INO80D: variants seen among roughly 807,000 people sequenced by gnomAD.
INO80D encodes INO80 complex subunit D.
A neutral mutation model predicts 87.6 loss-of-function variants in INO80D; 21 were observed. The observed-to-expected ratio is 0.24, with a 90% CI of 0.17 to 0.35. The LOEUF (loss-of-function observed/expected upper bound fraction) is 0.35. Among genes scored for constraint, INO80D ranks in the 10% least tolerant of loss-of-function variants. The probability of loss-of-function intolerance (pLI) is 1.00; values close to 1 mark genes in which losing one functional copy is unlikely to be tolerated. For synonymous variants in INO80D, 440 were observed against 491.0 expected (o/e 0.90, Z 1.37); for missense variants, 982 against 1,280.7 (o/e 0.77, Z 3.56).
chr2:206,014,282 T>C (rs1466386782), intron 8 of INO80D, among the ~76,000 whole-genome samples: 1 of 152,204 alleles, frequency 6.6e-6, no homozygotes, highest in Non-Finnish European at 1.5e-5. Flanking sequence ...TCAAAACATA[T>C]TGTCTGTAAA....
At chr2:206,047,258 C>G (rs891531654) in intron 4 of INO80D, among the ~76,000 whole-genome samples, 2 of 152,064 alleles carry the variant, frequency 1.3e-5, no homozygotes, top group Non-Finnish European at 2.9e-5. Flanking sequence ...GCTCTGTCAC[C>G]TAGGCTGGAG....
In INO80D at chr2:205,995,477, C is replaced by A. The variant is rs998109703; in HGVS notation, c.*8891G>T. Reference sequence around the variant, plus strand: ...AGTGACAATATTCCAGTAGGGGCAGCATTTTGCTAAATGTAAAAGATTGCC... The same window carrying A: ...AGTGACAATATTCCAGTAGGGGCAGAATTTTGCTAAATGTAAAAGATTGCC... On this transcript the variant is annotated 3_prime_UTR_variant, in exon 11 of 11. Transcript: ENST00000403263. The A allele has an allele frequency of 6.6e-6, 1 of 152,142 alleles. No homozygotes were observed. Among genetic ancestry groups the A allele is most frequent in the African/African-American group, 2.4e-5 (1 of 41,450 alleles). The allele number at this position is 152,142 out of a possible 1,614,324, so 9.4% of individuals were successfully genotyped here. A position where few individuals can be genotyped will look rare whatever the true frequency, so the allele number is the denominator to read the frequency against.
At chr2:206,045,715 T>TAA (rs1013034554) in intron 5 of INO80D, among the ~76,000 whole-genome samples, 2 of 137,592 alleles carry the variant, frequency 1.5e-5, no homozygotes, top group Admixed American at 7.3e-5. Flanking sequence ...AGATCTAGCC[T>TAA]AAAAAAAAAA....
Position 206,009,577 on chromosome 2 carries a change from C to T in INO80D, c.1760G>A (p.Arg587Gln), listed in dbSNP as rs754553721. ...ATTAGGTGCCAGTGGCACCACTGAC[C>T]GGATGTGAGAGGCCTCCACTGGCAG... ...VSLPVEASHI[R>Q]SPSTPELSAD... is the part of the protein sequence containing the mutation. Residue 587 changes from arginine (R) to glutamine (Q), a missense_variant and splice_region_variant, in exon 9 of 11, where the codon CGG (arginine) becomes CAG (glutamine). Coordinates refer to ENST00000403263, the MANE Select transcript of INO80D (RefSeq NM_017759.5). 1.7e-5 allele frequency: 27 copies of T among 1,608,100 alleles called. No homozygotes were observed. The highest frequency in any genetic ancestry group is 1.8e-4 in the Middle Eastern group (1 of 5,532).
chr2:206,046,358 G>T (rs1192517152), intron 5 of INO80D, 146 bp downstream of exon 5: 1 of 595,158 alleles, frequency 1.7e-6, no homozygotes, highest in African/African-American at 1.9e-5. Context: ...CCAACATGGT[G>T]AAACCCCATC....
rs573141758 is a variant in INO80D at position 206,003,356 on chromosome 2, T to C, written c.*1012A>G. ...CTTTTCAAATCTATCTGACCTATCC[T>C]GCTTTTTCACATCAAAATATTTTCT... On this transcript the variant is annotated 3_prime_UTR_variant, in exon 11 of 11. Coordinates refer to ENST00000403263, the MANE Select transcript of INO80D (RefSeq NM_017759.5). 2 of 152,336 alleles carry C rather than the reference T, an allele frequency of 1.3e-5. No homozygotes were observed. The highest frequency in any genetic ancestry group is 4.1e-4 in the South Asian group (2 of 4,834). 9.4% of individuals were successfully genotyped at this position (152,336 alleles called of 1,614,324 possible). A position where few individuals can be genotyped will look rare whatever the true frequency, so the allele number is the denominator to read the frequency against.
intron 6 of INO80D, among the ~76,000 whole-genome samples, chr2:206,025,861 A>G (rs2105829462): frequency 6.6e-6 from 1 of 152,168 alleles, no homozygotes; most frequent in South Asian, 2.1e-4. Context: ...AAAAAGAATC[A>G]GAATTTGAAC....
chr2:206,012,834 A>C (rs1372192223), intron 8 of INO80D, among the ~76,000 whole-genome samples: 4 of 148,160 alleles, frequency 2.7e-5, no homozygotes, highest in Non-Finnish European at 5.9e-5. Context: ...GCACCACTGC[A>C]CTCAAACCTG....
chr2:206,032,268 G>A (rs1303423785), intron 5 of INO80D, among the ~76,000 whole-genome samples: 1 of 152,176 alleles, frequency 6.6e-6, no homozygotes, highest in Non-Finnish European at 1.5e-5. Flanking sequence ...TTTTGCAGCT[G>A]GGAGGCAGGT....
chr2:206,072,988 T>C (rs1690015300), intron 1 of INO80D, among the ~76,000 whole-genome samples: 1 of 152,004 alleles, frequency 6.6e-6, no homozygotes, highest in South Asian at 2.1e-4. Context: ...CAGGCATTAA[T>C]CACTGTGCCC....
At position 206,066,048 on chromosome 2, in the gene INO80D, T is replaced by G. The variant is rs140135297; in HGVS notation, c.-123-2804A>C. Among the ~76,000 whole-genome samples, 952 of 152,142 alleles carry G rather than the reference T, an allele frequency of 6.3e-3. 1 individual carries two copies. Among genetic ancestry groups the G allele is most frequent in the South Asian group, 0.011 (54 of 4,820 alleles). ...GCCAGGGCAGGTGGATCACTTGAGG[T>G]CAGGAGTTCAGGACCAGCCTGGTCA... On this transcript the variant is annotated intron_variant, in intron 1 of 10. Transcript: ENST00000403263.
chr2:205,999,672 CTATT>C lies in INO80D; in HGVS notation c.*4692_*4695del, dbSNP rs1259179397. The C allele has an allele frequency of 7.2e-5, 11 of 152,272 alleles. No homozygotes were observed. The highest frequency in any genetic ancestry group is 1.2e-4 in the African/African-American group (5 of 41,548). The allele number at this position is 152,272 out of a possible 1,614,324, so 9.4% of individuals were successfully genotyped here. On this transcript the variant is annotated 3_prime_UTR_variant, in exon 11 of 11. Transcript: ENST00000403263. Reference sequence around the variant, plus strand: ...ACACTGTTTATTAGAAGAGACATAACTATTCATTTATGTTTTATGTTTTCTTTCC... The same window carrying C: ...ACACTGTTTATTAGAAGAGACATAACCATTTATGTTTTATGTTTTCTTTCC...
At chr2:206,046,145 CT>C (rs975156982) in intron 5 of INO80D, among the ~76,000 whole-genome samples, 1 of 152,100 alleles carries the variant, frequency 6.6e-6, no homozygotes, top group African/African-American at 2.4e-5. Context: ...AGAGTGAAGT[CT>C]TTTTTTACCT....
At chr2:206,079,154 C>T (rs1288927058) in intron 1 of INO80D, among the ~76,000 whole-genome samples, 1 of 151,974 alleles carries the variant, frequency 6.6e-6, no homozygotes, top group African/African-American at 2.4e-5. Flanking sequence ...TTCACTGCAA[C>T]CTTGACCTCC....
chr2:206,081,505 C>T (rs1575900840), intron 1 of INO80D, among the ~76,000 whole-genome samples: 1 of 152,204 alleles, frequency 6.6e-6, no homozygotes, highest in East Asian at 1.9e-4. Flanking sequence ...ATAATCCCAG[C>T]ACTTGGAAAG....
chr2:206,083,657 TCACA>T (rs1215646803), intron 1 of INO80D, among the ~76,000 whole-genome samples: 6 of 152,116 alleles, frequency 3.9e-5, no homozygotes, highest in Admixed American at 3.9e-4. Context: ...CCTAGAAGAA[TCACA>T]TGAGTCTCAT....
chr2:206,007,252 C>G, intron 10 of INO80D, 32 bp downstream of exon 10: 1 of 1,587,484 alleles, frequency 6.3e-7, no homozygotes, highest in Non-Finnish European at 8.6e-7. Context: ...ATTTTTAAAA[C>G]CAGTTTCCTT....
Position 206,004,382 on chromosome 2 carries a change from G to C in INO80D, c.3070C>G (p.Pro1024Ala), listed in dbSNP as rs770888610. The change falls in exon 11 of 11, where the codon CCC (proline) becomes GCC (alanine). Residue 1024 changes from proline to alanine, a missense_variant. Pro to Ala is a conservative substitution (Grantham distance 27, BLOSUM62 -1). Coordinates refer to ENST00000403263, the MANE Select transcript of INO80D (RefSeq NM_017759.5). This position sits in a 1 kb window ranked among gnomAD's most constrained non-coding sequence, Gnocchi z 4.9. Reference sequence around the variant, plus strand: ...CACAGACACCCTCAGTTAGGGGAGGGAAAGGGAGAAGATGCATTATTGGTA... The same window carrying C: ...CACAGACACCCTCAGTTAGGGGAGGCAAAGGGAGAAGATGCATTATTGGTA... ...TSTNNASSPF[P>A]SPN The C allele has an allele frequency of 2.5e-6, 4 of 1,593,950 alleles. No individual in the cohort carries two copies. In the South Asian group the frequency reaches 4.6e-5, roughly 18 times the overall value.
Position 206,003,414 on chromosome 2 carries a change from G to A in INO80D, c.*954C>T, listed in dbSNP as rs1351008251. 1.3e-5 allele frequency: 2 copies of A among 152,164 alleles called. No individual in the cohort carries two copies. Among genetic ancestry groups the A allele is most frequent in the African/African-American group, 4.8e-5 (2 of 41,438 alleles). The allele number at this position is 152,164 out of a possible 1,614,324, so 9.4% of individuals were successfully genotyped here. On this transcript the variant is annotated 3_prime_UTR_variant, in exon 11 of 11. Transcript: ENST00000403263. ...CATCTTGCAAATGTATTCCATGAGA[G>A]AGGGATTTAGAAACAAACAAATGTC...
Sources: allele counts gnomAD v4.1 joint callset (sites outside exome capture counted in the v4.1 genomes callset), GRCh38; gene constraint gnomAD v4.1.1; non-coding constraint Gnocchi (gnomAD v3.1); transcripts MANE v1.5; gene names NCBI Gene and HGNC (gene_info 2026-07-23, HGNC 2026-07-21).